LRFN5: variants seen among roughly 807,000 people sequenced by gnomAD.
LRFN5 encodes the protein leucine-rich repeat and fibronectin type-III domain-containing protein 5.
In LRFN5, 24 loss-of-function variants were observed where a neutral mutation model predicts 45.6. That is an observed-to-expected ratio of 0.53 (90% CI 0.38 to 0.74). The LOEUF (loss-of-function observed/expected upper bound fraction) is 0.74. LRFN5 is among the 30% of genes least tolerant of loss of function. The probability of loss-of-function intolerance (pLI) is 0.00; values close to 1 mark genes in which losing one functional copy is unlikely to be tolerated. For missense variants in LRFN5, 776 were observed against 861.5 expected (o/e 0.90, Z 1.24); for synonymous variants, 340 against 313.8 (o/e 1.08, Z -0.88).
At chr14:41,868,023 A>G (rs1003380217) in intron 2 of LRFN5, among the ~76,000 whole-genome samples, 2 of 152,012 alleles carry the variant, frequency 1.3e-5, no homozygotes, top group South Asian at 4.1e-4. Context: ...TATATTCACC[A>G]TGGAGTTGCT....
Position 41,858,513 on chromosome 14 carries a change from G to T in LRFN5, c.-20-28093G>T, listed in dbSNP as rs117785970. ...TTGCTCTAGTAAGTTTTTTTTTTCCGCCATAGGCTTATTTTTTCTCTTTTG... is the reference window on the plus strand; with the variant it reads ...TTGCTCTAGTAAGTTTTTTTTTTCCTCCATAGGCTTATTTTTTCTCTTTTG... On this transcript the variant is annotated intron_variant, in intron 2 of 5. Transcript: ENST00000298119. Among the ~76,000 whole-genome samples the T allele has an allele frequency of 1.4e-4, 21 of 150,210 alleles. No individual in the cohort carries two copies. The East Asian group carries it at 3.7e-3, about 27-fold the overall frequency.
chr14:41,819,731 T>C (rs1038818697), intron 2 of LRFN5, among the ~76,000 whole-genome samples: 4 of 152,140 alleles, frequency 2.6e-5, no homozygotes, highest in Non-Finnish European at 4.4e-5. Context: ...CTCATTATGG[T>C]CACTAGAGTG....
At chr14:41,844,347 G>A (rs28481495) in intron 2 of LRFN5, among the ~76,000 whole-genome samples, 4,837 of 151,148 alleles carry the variant, frequency 0.032, 266 homozygotes, top group African/African-American at 0.11. Flanking sequence ...TGAGGCAGGA[G>A]AATGGCGTGA....
chr14:41,786,173 CA>C (rs1265073546), intron 2 of LRFN5, among the ~76,000 whole-genome samples: 2 of 152,032 alleles, frequency 1.3e-5, no homozygotes, highest in Admixed American at 6.6e-5. Flanking sequence ...TTTAAACAGG[CA>C]ATTGCATTTT....
rs186969772 is a variant in LRFN5, at chr14:41,820,248, G to T, written c.-21+53219G>T. 5.6e-3 allele frequency among the ~76,000 whole-genome samples: 843 copies of T among 151,812 alleles called. 10 individuals are homozygous for T. Among genetic ancestry groups the T allele is most frequent in the African/African-American group, 0.019 (804 of 41,436 alleles). On this transcript the variant is annotated intron_variant, in intron 2 of 5. Coordinates refer to ENST00000298119, the MANE Select transcript of LRFN5 (RefSeq NM_152447.5). ...TCTTCTAGAATTTTTATAGTTTCAG[G>T]TCTTATATTTAAATATTTAATCTAT... is the stretch of plus-strand genomic sequence containing the variant.
chr14:41,618,091 A>G (rs1324242187), intron 1 of LRFN5, among the ~76,000 whole-genome samples: 1 of 152,144 alleles, frequency 6.6e-6, no homozygotes, highest in Non-Finnish European at 1.5e-5. Context: ...CTCATCTTGA[A>G]TCACTGTTGT....
intron 1 of LRFN5, among the ~76,000 whole-genome samples, chr14:41,764,570 G>A (rs536388755): frequency 6.6e-6 from 1 of 152,162 alleles, no homozygotes; most frequent in African/African-American, 2.4e-5. Context: ...TTGGTCAACA[G>A]TATGTTTTAG....
intron 5 of LRFN5, among the ~76,000 whole-genome samples, chr14:41,903,919 A>C (rs1453038399): frequency 6.6e-6 from 1 of 152,080 alleles, no homozygotes; most frequent in Non-Finnish European, 1.5e-5. Flanking sequence ...CTTAGATTAA[A>C]AAAATAAGAT....
intron 2 of LRFN5, among the ~76,000 whole-genome samples, chr14:41,818,454 A>T (rs1361889252): frequency 6.6e-6 from 1 of 152,034 alleles, no homozygotes; most frequent in Non-Finnish European, 1.5e-5. Context: ...TAATAACTAA[A>T]TATATCATTT....
intron 2 of LRFN5, among the ~76,000 whole-genome samples, chr14:41,881,151 T>C (rs946686420): frequency 3.3e-5 from 5 of 152,158 alleles, no homozygotes; most frequent in African/African-American, 1.2e-4. Flanking sequence ...AGTGATTTTC[T>C]ATTTTCCCAG....
At chr14:41,774,370 T>G (rs1886201372) in intron 2 of LRFN5, among the ~76,000 whole-genome samples, 1 of 152,188 alleles carries the variant, frequency 6.6e-6, no homozygotes, top group African/African-American at 2.4e-5. Flanking sequence ...CTGAGGCATC[T>G]CTTATCAATA....
intron 4 of LRFN5, chr14:41,892,705 G>A (rs1008502742): frequency 7.1e-6 from 7 of 985,144 alleles, no homozygotes; most frequent in Non-Finnish European, 6.0e-6. Context: ...AACATCCTTG[G>A]TGCAGGTGCC....
intron 1 of LRFN5, among the ~76,000 whole-genome samples, chr14:41,759,786 G>T (rs1885580346): frequency 6.6e-6 from 1 of 152,142 alleles, no homozygotes; most frequent in Non-Finnish European, 1.5e-5. Flanking sequence ...TATTTCAAAT[G>T]TGGTTTAATA....
At chr14:41,809,270 G>A (rs1887656871) in intron 2 of LRFN5, among the ~76,000 whole-genome samples, 2 of 152,072 alleles carry the variant, frequency 1.3e-5, no homozygotes, top group African/African-American at 4.8e-5. Flanking sequence ...TGAGTCTAGT[G>A]TGTTTTCATG....
intron 2 of LRFN5, among the ~76,000 whole-genome samples, chr14:41,856,546 C>G (rs945722440): frequency 3.3e-5 from 5 of 151,804 alleles, no homozygotes. Flanking sequence ...GTGAGCATTT[C>G]AAACTTTCAC....
intron 2 of LRFN5, among the ~76,000 whole-genome samples, chr14:41,866,609 T>A (rs1171617678): frequency 6.6e-6 from 1 of 152,134 alleles, no homozygotes; most frequent in Non-Finnish European, 1.5e-5. Context: ...CAACTCACCC[T>A]GATAACCCCG....
At chr14:41,663,698 C>A (rs935038203) in intron 1 of LRFN5, among the ~76,000 whole-genome samples, 1 of 151,848 alleles carries the variant, frequency 6.6e-6, no homozygotes, top group South Asian at 2.1e-4. Context: ...ATGTATGCAT[C>A]GATAACCTAG....
intron 2 of LRFN5, among the ~76,000 whole-genome samples, chr14:41,827,341 AT>A (rs1888332345): frequency 6.6e-6 from 1 of 152,034 alleles, no homozygotes; most frequent in Admixed American, 6.6e-5. Flanking sequence ...TTTATTTCTA[AT>A]TTTCAAGAAG....
chr14:41,655,481 C>G (rs1237197010), intron 1 of LRFN5, among the ~76,000 whole-genome samples: 2 of 151,968 alleles, frequency 1.3e-5, no homozygotes, highest in African/African-American at 2.4e-5. Flanking sequence ...GAGGCCTGAT[C>G]AAGAGGTATA....
Sources: allele counts gnomAD v4.1 joint callset (sites outside exome capture counted in the v4.1 genomes callset), GRCh38; gene constraint gnomAD v4.1.1; transcripts MANE v1.5; gene names NCBI Gene and HGNC (gene_info 2026-07-23, HGNC 2026-07-21).